Variants in PRKG1 observed in about 807,000 individuals in gnomAD.
The protein encoded by PRKG1 is protein kinase cGMP-dependent 1, also known as cGMP-dependent protein kinase 1.
PRKG1 carries 35 observed loss-of-function variants against 88.1 expected under a neutral mutation model. The ratio of observed to expected loss-of-function variants is 0.40; its 90% CI spans 0.30 to 0.53. PRKG1 has a LOEUF of 0.53. Among genes scored for constraint, PRKG1 ranks in the 20% least tolerant of loss-of-function variants. The pLI is 0.59. For synonymous variants in PRKG1, 303 were observed against 292.5 expected, an observed-to-expected ratio of 1.04 and a Z score of -0.37; for missense variants, 540 against 839.8, an observed-to-expected ratio of 0.64 and a Z score of 4.41.
chr10:51,426,790 A>G (rs1020531188), intron 2 of PRKG1, among the ~76,000 whole-genome samples: 5 of 152,194 alleles, frequency 3.3e-5, no homozygotes, highest in Admixed American at 3.3e-4. Flanking sequence ...TTTGTTTCAT[A>G]AATTCTCATT....
chr10:51,667,152 G>T (rs1248100755), intron 3 of PRKG1, among the ~76,000 whole-genome samples: 1 of 152,006 alleles, frequency 6.6e-6, no homozygotes, highest in African/African-American at 2.4e-5. Flanking sequence ...ATATATAAAT[G>T]TACTGCCAAA....
intron 2 of PRKG1, among the ~76,000 whole-genome samples, chr10:51,348,049 C>G (rs865860630): frequency 2.6e-5 from 4 of 151,786 alleles, no homozygotes; most frequent in Non-Finnish European, 5.9e-5. Context: ...GGTGACAGAG[C>G]GAGACTCCAT....
At chr10:51,061,575 AT>A (rs1304116282) in intron 1 of PRKG1, among the ~76,000 whole-genome samples, 1 of 152,058 alleles carries the variant, frequency 6.6e-6, no homozygotes, top group Non-Finnish European at 1.5e-5. Flanking sequence ...TGTATTCTCT[AT>A]TTTCTGTCCT....
chr10:52,223,947 C>T (rs1840315426), intron 9 of PRKG1, among the ~76,000 whole-genome samples: 1 of 152,156 alleles, frequency 6.6e-6, no homozygotes, highest in African/African-American at 2.4e-5. Context: ...TAGGCCACAT[C>T]TTTTGCCTGG....
intron 5 of PRKG1, chr10:51,908,735 T>TATATATATATATA (rs778365205): frequency 1.3e-5 from 1 of 77,824 alleles, no homozygotes; most frequent in African/African-American, 5.0e-5. Context: ...CTATATGTAA[T>TATATATATATATA]TTTTTTTTTT....
chr10:52,014,255 G>A (rs921817427), intron 5 of PRKG1, among the ~76,000 whole-genome samples: 8 of 152,104 alleles, frequency 5.3e-5, no homozygotes, highest in Admixed American at 2.0e-4. Context: ...GGCTAGGGAG[G>A]CCTCAAGAAA....
chr10:51,731,227 G>T (rs1406136241), intron 3 of PRKG1, among the ~76,000 whole-genome samples: 1 of 152,104 alleles, frequency 6.6e-6, no homozygotes, highest in Non-Finnish European at 1.5e-5. Flanking sequence ...TATCAATTCA[G>T]TTAACTGGTT....
intron 2 of PRKG1, among the ~76,000 whole-genome samples, chr10:51,441,465 C>T (rs1262302914): frequency 2.6e-5 from 4 of 151,962 alleles, no homozygotes; most frequent in African/African-American, 9.7e-5. Flanking sequence ...CCCCTAGCAT[C>T]AAGTCCTGAA....
intron 2 of PRKG1, among the ~76,000 whole-genome samples, chr10:51,284,865 C>CTTTTTTTTTTTTTTTTTTTTTTTAGCTAT (rs5784867): frequency 1.9e-5 from 1 of 51,698 alleles, no homozygotes; most frequent in Non-Finnish European, 3.6e-5. Flanking sequence ...GTTGTGGGTA[C>CTTTTTTTTTTTTTTTTTTTTTTTAGCTAT]TTTTTTTTTT....
At chr10:51,262,181 C>T (rs1041390402) in intron 2 of PRKG1, among the ~76,000 whole-genome samples, 2 of 151,996 alleles carry the variant, frequency 1.3e-5, no homozygotes, top group African/African-American at 2.4e-5. Flanking sequence ...CCACTGTGCC[C>T]GGCCAGGACT....
intron 4 of PRKG1, among the ~76,000 whole-genome samples, chr10:51,825,194 G>A (rs1441239134): frequency 1.3e-5 from 2 of 152,124 alleles, no homozygotes; most frequent in Non-Finnish European, 2.9e-5. Flanking sequence ...TGTGAGTGGA[G>A]TATACATGTA....
At chr10:52,001,056 A>G (rs1478341945) in intron 5 of PRKG1, among the ~76,000 whole-genome samples, 1 of 151,954 alleles carries the variant, frequency 6.6e-6, no homozygotes, top group Non-Finnish European at 1.5e-5. Flanking sequence ...CGGTGGGTTC[A>G]AAGTTTTTTT....
At chr10:51,672,169 A>G (rs1183004102) in intron 3 of PRKG1, among the ~76,000 whole-genome samples, 1 of 151,958 alleles carries the variant, frequency 6.6e-6, no homozygotes, top group African/African-American at 2.4e-5. Context: ...CTTAGCCTTT[A>G]GCTATTTGAA....
rs376360941 is a variant in PRKG1 at position 52,251,744 on chromosome 10, C to A, written c.1173+78C>A. On this transcript the variant is annotated intron_variant, in intron 10 of 17. Coordinates refer to ENST00000373980, the MANE Select transcript of PRKG1 (RefSeq NM_006258.4). ...TTTTCCCCTAGATTAAGATTTCTTT[C>A]TTTTCTCTTGTTTTGTCTTTCATCA... is the stretch of plus-strand genomic sequence containing the variant. 3,223 of 1,199,242 alleles carry A rather than the reference C, an allele frequency of 2.7e-3. 100 individuals are homozygous for A. The South Asian group carries it at 0.042, about 16-fold the overall frequency. 74.3% of individuals were successfully genotyped at this position (1,199,242 alleles called of 1,614,324 possible). A position where few individuals can be genotyped will look rare whatever the true frequency, so the allele number is the denominator to read the frequency against.
chr10:51,277,468 C>A (rs892741605), intron 2 of PRKG1, among the ~76,000 whole-genome samples: 1 of 149,054 alleles, frequency 6.7e-6, no homozygotes, highest in Admixed American at 6.7e-5. Context: ...TCCATATGAA[C>A]TTTAAAGTAG....
chr10:52,171,561 T>G (rs541906752), intron 9 of PRKG1, among the ~76,000 whole-genome samples: 114 of 152,256 alleles, frequency 7.5e-4, no homozygotes, highest in Middle Eastern at 3.4e-3. Context: ...TGTTTTTGTT[T>G]TAAATTCTAG....
At chr10:51,402,537 C>G (rs1341723623) in intron 2 of PRKG1, among the ~76,000 whole-genome samples, 1 of 152,160 alleles carries the variant, frequency 6.6e-6, no homozygotes, top group African/African-American at 2.4e-5. Context: ...CAGTGTTTCT[C>G]AAAGGTTTTC....
chr10:51,237,322 A>T (rs1311965840), intron 2 of PRKG1, among the ~76,000 whole-genome samples: 1 of 152,202 alleles, frequency 6.6e-6, no homozygotes, highest in Non-Finnish European at 1.5e-5. Flanking sequence ...TTGCTCTAAA[A>T]TGTGTGTAGA....
At chr10:52,133,618 AAATTGCAACTACTG>A (rs1837324240) in intron 7 of PRKG1, among the ~76,000 whole-genome samples, 1 of 152,148 alleles carries the variant, frequency 6.6e-6, no homozygotes, top group African/African-American at 2.4e-5. Flanking sequence ...TCAAATTTGA[AAATTGCAACTACTG>A]GATTGTAACT....
Sources: allele counts gnomAD v4.1 joint callset (sites outside exome capture counted in the v4.1 genomes callset), GRCh38; gene constraint gnomAD v4.1.1; transcripts MANE v1.5; gene names NCBI Gene and HGNC (gene_info 2026-07-23, HGNC 2026-07-21).